Variants in GAB3 observed in about 807,000 individuals in gnomAD.
GAB3 encodes the protein GRB2-associated-binding protein 3.
A neutral mutation model predicts 40.4 loss-of-function variants in GAB3; 12 were observed. The observed-to-expected ratio is 0.30, with a 90% CI of 0.19 to 0.48. GAB3 has a LOEUF of 0.48. Among genes scored for constraint, GAB3 ranks in the 20% least tolerant of loss-of-function variants. GAB3 has a pLI of 0.99. For missense variants in GAB3, 381 were observed against 461.9 expected, an observed-to-expected ratio of 0.82 and a Z score of 1.61; for synonymous variants, 154 against 176.7, an observed-to-expected ratio of 0.87 and a Z score of 1.02.
rs1557256499 is a variant in GAB3, at chrX:154,712,613, G to A, written c.685C>T (p.Pro229Ser). The A allele has an allele frequency of 8.8e-7, 1 of 1,139,473 alleles. No individual in the cohort carries two copies. The highest frequency in any genetic ancestry group is 3.0e-5 in the Admixed American group (1 of 33,349). The allele number at this position is 1,139,473 out of a possible 1,213,427, so 93.9% of individuals were successfully genotyped here. The change falls in exon 4 of 10, where the codon CCG becomes TCG. Residue 229 changes from proline (P) to serine (S), a missense_variant. Physicochemically the swap from Pro to Ser is moderately conservative, Grantham distance 74. Transcript: ENST00000424127. Reference sequence around the variant, plus strand: ...TGGACCAAATGACTGGAGGGGAGCGGCTGCAGGCAGTCAACAAAAACATCA... The same window carrying A: ...TGGACCAAATGACTGGAGGGGAGCGACTGCAGGCAGTCAACAAAAACATCA... ...FDDVFVDCLQ[P>S]LPSSHLVHPS...
intron 8 of GAB3, among the ~76,000 whole-genome samples, chrX:154,685,276 T>C (rs1185291597): frequency 9.0e-6 from 1 of 111,541 alleles, no homozygotes; most frequent in Non-Finnish European, 1.9e-5. Flanking sequence ...CATATTTGAT[T>C]CTATTGTTTG....
At chrX:154,726,256 T>C (rs1557259367) in intron 1 of GAB3, among the ~76,000 whole-genome samples, 1 of 111,310 alleles carries the variant, frequency 9.0e-6, no homozygotes, top group East Asian at 2.8e-4. Context: ...ATGGAACATG[T>C]GTAGGTAAAA....
chrX:154,687,407 G>A lies in GAB3; in HGVS notation c.1531-7159C>T, dbSNP rs782110337. Reference sequence around the variant, plus strand: ...AGCACTTTGGGAGGCTGAGGCGGGCGGATCACAAGGTCAGGAGATCAAGAC... The same window carrying A: ...AGCACTTTGGGAGGCTGAGGCGGGCAGATCACAAGGTCAGGAGATCAAGAC... On this transcript the variant is annotated intron_variant, in intron 8 of 9. Coordinates refer to ENST00000424127, the MANE Select transcript of GAB3 (RefSeq NM_001081573.3). Among the ~76,000 whole-genome samples the A allele has an allele frequency of 8.2e-5, 9 of 109,789 alleles. No individual in the cohort carries two copies. The South Asian group carries it at 2.0e-3, about 24-fold the overall frequency.
intron 8 of GAB3, among the ~76,000 whole-genome samples, chrX:154,684,579 A>C (rs1557247467): frequency 9.0e-6 from 1 of 111,517 alleles, no homozygotes; most frequent in Non-Finnish European, 1.9e-5. Context: ...CTTTTGTATT[A>C]GTTTTGTTAA....
At chrX:154,689,268 AAAT>A (rs2070512056) in intron 8 of GAB3, among the ~76,000 whole-genome samples, 1 of 109,895 alleles carries the variant, frequency 9.1e-6, no homozygotes, top group South Asian at 3.9e-4. Context: ...ACGGATCTCA[AAAT>A]AATAAGAGCT....
rs1206653326 is a variant in GAB3, at chrX:154,675,370, G to C, written c.*2808C>G. ...GAACAGGGACTGAGGAAAAAGCCAG[G>C]TCTGAGGAGAGCCTTCAGTTTCAAC... On this transcript the variant is annotated 3_prime_UTR_variant, in exon 10 of 10. Coordinates refer to ENST00000424127, the MANE Select transcript of GAB3 (RefSeq NM_001081573.3). The C allele has an allele frequency of 8.9e-6, 1 of 112,257 alleles. No individual in the cohort carries two copies. Among genetic ancestry groups the C allele is most frequent in the South Asian group, 3.7e-4 (1 of 2,724 alleles). 9.3% of individuals were successfully genotyped at this position (112,257 alleles called of 1,213,427 possible).
intron 2 of GAB3, among the ~76,000 whole-genome samples, chrX:154,715,139 G>A (rs1557257347): frequency 8.9e-6 from 1 of 112,080 alleles, no homozygotes; most frequent in African/African-American, 3.3e-5. Context: ...GCGTTAGAGT[G>A]TGGATATTTC....
chrX:154,684,252 G>C (rs782619404), intron 8 of GAB3, among the ~76,000 whole-genome samples: 10 of 111,948 alleles, frequency 8.9e-5, no homozygotes, highest in Non-Finnish European at 1.5e-4. Flanking sequence ...TTCCTGGTAG[G>C]TGTTTATATA....
At chrX:154,728,389 G>A (rs782385371) in intron 1 of GAB3, among the ~76,000 whole-genome samples, 9 of 112,493 alleles carry the variant, frequency 8.0e-5, no homozygotes, top group Non-Finnish European at 1.1e-4. Flanking sequence ...GGCCAAGAGC[G>A]CCTAGAGCGC....
At chrX:154,721,808 T>TG (rs1557258767) in intron 1 of GAB3, among the ~76,000 whole-genome samples, 1 of 112,004 alleles carries the variant, frequency 8.9e-6, no homozygotes, top group Non-Finnish European at 1.9e-5. Context: ...AGTATACTGT[T>TG]GGTGGGAATG....
At chrX:154,703,403 G>C (rs782808140) in intron 4 of GAB3, among the ~76,000 whole-genome samples, 1 of 111,721 alleles carries the variant, frequency 9.0e-6, no homozygotes, top group African/African-American at 3.3e-5. Flanking sequence ...CGCAATAACA[G>C]AAAACCCAAT....
rs1188957558 is a variant in GAB3 at position 154,713,342 on chromosome X, C to A, written c.461G>T (p.Ser154Ile). 17 of 1,208,218 alleles carry A rather than the reference C, an allele frequency of 1.4e-5. No homozygotes were observed. The highest frequency in any genetic ancestry group is 1.8e-5 in the Non-Finnish European group (16 of 894,731). The change falls in exon 3 of 10, where the codon AGC (serine) becomes ATC (isoleucine). Residue 154 changes from serine to isoleucine, a missense_variant. By Grantham distance (142) the Ser-to-Ile change is moderately radical. Transcript: ENST00000424127. ...TGGGTCATCTCTTGGCAAAGAGGAG[C>A]TGGCAGCATGGGCGGTAAGAAGGGA... is the stretch of plus-strand genomic sequence containing the variant. ...ASSLLTAHAA[S>I]SSLPRDDPNT...
At chrX:154,696,298 CAAAAAAAAAAA>C (rs35105330) in intron 7 of GAB3, among the ~76,000 whole-genome samples, 2 of 40,144 alleles carry the variant, frequency 5.0e-5, no homozygotes, top group African/African-American at 1.9e-4. Flanking sequence ...TATCATTTAG[CAAAAAAAAAAA>C]AAAAAAAAAA....
intron 8 of GAB3, among the ~76,000 whole-genome samples, chrX:154,688,471 G>T (rs1557248420): frequency 9.1e-6 from 1 of 110,140 alleles, no homozygotes; most frequent in African/African-American, 3.3e-5. Context: ...GTAGAGACAG[G>T]GTTTCACCAT....
chrX:154,697,409 C>T (rs2070676642), intron 6 of GAB3, among the ~76,000 whole-genome samples, 196 bp from the exon 7 acceptor site: 1 of 112,050 alleles, frequency 8.9e-6, no homozygotes, highest in Non-Finnish European at 1.9e-5. Flanking sequence ...GGTCACATTA[C>T]CTGCTGGAGG....
chrX:154,744,131 G>C (rs2071487714), intron 1 of GAB3, among the ~76,000 whole-genome samples: 1 of 100,144 alleles, frequency 1.0e-5, no homozygotes, highest in Non-Finnish European at 2.0e-5. Flanking sequence ...GGAGAACTTT[G>C]TGAACCCAGG....
Position 154,716,157 on chromosome X carries a change from T to C in GAB3, c.245A>G (p.Asn82Ser). The part of the protein sequence containing the change: ...GPSFVRKEFQ[N>S]NFVFIVKTTS... Reference sequence around the variant, plus strand: ...AGTCTTGACAATGAACACGAAATTATTCTGAAATTCCTTCCGAACAAAGCT... The same window carrying C: ...AGTCTTGACAATGAACACGAAATTACTCTGAAATTCCTTCCGAACAAAGCT... The change falls in exon 2 of 10, where the codon AAT becomes AGT. Residue 82 changes from asparagine to serine, a missense_variant. Coordinates refer to ENST00000424127, the MANE Select transcript of GAB3 (RefSeq NM_001081573.3). 1.6e-6 allele frequency: 2 copies of C among 1,212,333 alleles called. No homozygotes were observed. The highest frequency in any genetic ancestry group is 2.2e-6 in the Non-Finnish European group (2 of 895,612).
rs2071010310 is a variant in GAB3, at chrX:154,714,268, TC to T, written c.377-843del. ...CAGGATGACCCAGAACTAACTAGGTTCAAGTCCAGGCTCTACTACATAGCCA... is the reference window on the plus strand; with the variant it reads ...CAGGATGACCCAGAACTAACTAGGTTAAGTCCAGGCTCTACTACATAGCCA... On this transcript the variant is annotated intron_variant, in intron 2 of 9. Transcript: ENST00000424127. Among the ~76,000 whole-genome samples, 3 of 111,742 alleles carry T rather than the reference TC, an allele frequency of 2.7e-5. No homozygotes were observed. In the Admixed American group the frequency reaches 2.8e-4, roughly 11 times the overall value.
chrX:154,744,706 T>C (rs2071500726), intron 1 of GAB3, among the ~76,000 whole-genome samples: 1 of 112,344 alleles, frequency 8.9e-6, no homozygotes, highest in African/African-American at 3.2e-5. Flanking sequence ...TTAACATTTA[T>C]AGAACACTTT....
Sources: allele counts gnomAD v4.1 joint callset (sites outside exome capture counted in the v4.1 genomes callset), GRCh38; gene constraint gnomAD v4.1.1; transcripts MANE v1.5; gene names NCBI Gene and HGNC (gene_info 2026-07-23, HGNC 2026-07-21).